ACSM2B: variants seen among roughly 807,000 people sequenced by gnomAD.
The protein encoded by ACSM2B is acyl-CoA synthetase medium chain family member 2B.
In ACSM2B, 58 loss-of-function variants were observed where a neutral mutation model predicts 78.6. The observed-to-expected ratio is 0.74, with a 90% CI of 0.60 to 0.92. The LOEUF is 0.92. Among genes scored for constraint, ACSM2B ranks in the 40% least tolerant of loss-of-function variants. The pLI, the probability that ACSM2B is intolerant of heterozygous loss-of-function variation, is 0.00. For synonymous variants in ACSM2B, 257 were observed against 256.8 expected, an observed-to-expected ratio of 1.00 and a Z score of -0.01; for missense variants, 688 against 711.2, an observed-to-expected ratio of 0.97 and a Z score of 0.37.
At chr16:20,545,331 G>T in intron 9 of ACSM2B, 73 bp from the exon 10 acceptor site, 1 of 1,535,172 alleles carries the variant, frequency 6.5e-7, no homozygotes, top group Non-Finnish European at 8.9e-7. Context: ...GGAGATTGCT[G>T]AGTTGGTCAA....
chr16:20,572,929 T>G (rs1256709463), intron 1 of ACSM2B, among the ~76,000 whole-genome samples: 1 of 151,822 alleles, frequency 6.6e-6, no homozygotes, highest in Non-Finnish European at 1.5e-5. Context: ...ATTGTTTTTA[T>G]GTATGCTATC....
intron 10 of ACSM2B, 26 bp from the exon 11 acceptor site, chr16:20,543,288 A>G (rs1332982277): frequency 2.5e-6 from 4 of 1,612,864 alleles, no homozygotes; most frequent in East Asian, 2.2e-5. Context: ...AGACAGAGTC[A>G]TTGTGCCTGC....
intron 1 of ACSM2B, among the ~76,000 whole-genome samples, chr16:20,567,569 A>G (rs1341810275): frequency 7.5e-6 from 1 of 133,186 alleles, no homozygotes; most frequent in Non-Finnish European, 1.6e-5. Flanking sequence ...TATAAATTAT[A>G]TATAAAAATA....
rs1274329386 is a variant in ACSM2B, at chr16:20,553,920, A to C, written c.597T>G (p.Asn199Lys). The change falls in exon 5 of 14, where the codon AAT becomes AAG. Residue 199 changes from asparagine to lysine, a missense_variant and splice_region_variant. Asn to Lys is a moderately conservative substitution (Grantham distance 94, BLOSUM62 0). Transcript: ENST00000329697. ...CACAGTGATGAGTGGTGGATGCCTC[A>C]CTGACAAAGACACAGATTGTCATTT... ...DGWLNFKKLL[N>K]EASTTHHCVE... 14 of 1,613,494 alleles carry C rather than the reference A, an allele frequency of 8.7e-6. No homozygotes were observed. The highest frequency in any genetic ancestry group is 1.7e-4 in the Middle Eastern group (1 of 5,996).
chr16:20,554,428 A>G (rs1334184332), intron 4 of ACSM2B, among the ~76,000 whole-genome samples: 1 of 152,094 alleles, frequency 6.6e-6, no homozygotes, highest in Non-Finnish European at 1.5e-5. Flanking sequence ...TTGATTTTGA[A>G]CCTTTAAAAG....
chr16:20,573,465 C>G (rs2016150385), intron 1 of ACSM2B, among the ~76,000 whole-genome samples: 1 of 147,198 alleles, frequency 6.8e-6, no homozygotes, highest in Non-Finnish European at 1.5e-5. Flanking sequence ...GCTGTCACTA[C>G]TGGGTGGGGA....
chr16:20,546,196 A>G (rs1164332362), intron 9 of ACSM2B, among the ~76,000 whole-genome samples, 198 bp downstream of exon 9: 3 of 152,120 alleles, frequency 2.0e-5, no homozygotes, highest in African/African-American at 7.2e-5. Flanking sequence ...GGATGGTAAG[A>G]ATATAAATCA....
At chr16:20,553,756 G>T (rs1455086950) in intron 5 of ACSM2B, 21 bp downstream of exon 5, 4 of 1,598,090 alleles carry the variant, frequency 2.5e-6, no homozygotes. Flanking sequence ...ATTCTCTGTA[G>T]AGAGAAAGAG....
chr16:20,557,874 G>C (rs2015524313), intron 3 of ACSM2B, among the ~76,000 whole-genome samples: 3 of 152,138 alleles, frequency 2.0e-5, no homozygotes, highest in Admixed American at 2.0e-4. Context: ...ACTTCATCTT[G>C]TTTCCAACCT....
intron 1 of ACSM2B, among the ~76,000 whole-genome samples, chr16:20,567,805 G>T (rs1414570264): frequency 1.4e-5 from 2 of 138,312 alleles, no homozygotes; most frequent in Non-Finnish European, 3.1e-5. Flanking sequence ...ATATATAATA[G>T]TATGGTATGT....
At chr16:20,538,602 T>C (rs763744682) in intron 13 of ACSM2B, among the ~76,000 whole-genome samples, 20 of 152,156 alleles carry the variant, frequency 1.3e-4, no homozygotes, top group African/African-American at 2.7e-4. Flanking sequence ...GCAAATAATC[T>C]GCTGCCTTGA....
chr16:20,540,097 T>A (rs568789958), intron 13 of ACSM2B, among the ~76,000 whole-genome samples: 3 of 152,302 alleles, frequency 2.0e-5, no homozygotes, highest in South Asian at 4.1e-4. Context: ...TAGAACTTAT[T>A]CCCTTGACAG....
intron 1 of ACSM2B, among the ~76,000 whole-genome samples, chr16:20,565,988 G>A (rs1166080542): frequency 6.6e-6 from 1 of 151,050 alleles, no homozygotes; most frequent in African/African-American, 2.4e-5. Flanking sequence ...TGCTGCGAAT[G>A]CCATTAAGTC....
At position 20,540,921 on chromosome 16, in the gene ACSM2B, T is replaced by A. The variant is rs140100654; in HGVS notation, c.1510-148A>T. On this transcript the variant is annotated intron_variant, in intron 12 of 13. Transcript: ENST00000329697. ...TCCAGGTCAAGGGAAAGGGAGAAAC[T>A]GGGGACAAGAATGAGGTTCCAGCTC... 5 of 1,262,114 alleles carry A rather than the reference T, an allele frequency of 4.0e-6. No homozygotes were observed. The East Asian group carries it at 1.0e-4, about 25-fold the overall frequency. The allele number at this position is 1,262,114 out of a possible 1,614,324, so 78.2% of individuals were successfully genotyped here.
intron 1 of ACSM2B, among the ~76,000 whole-genome samples, chr16:20,569,237 T>A (rs759704559): frequency 6.6e-6 from 1 of 152,024 alleles, no homozygotes; most frequent in Non-Finnish European, 1.5e-5. Flanking sequence ...AGGTGGTTTT[T>A]GTATAAGGTG....
chr16:20,553,730 C>T, intron 5 of ACSM2B, 47 bp downstream of exon 5: 1 of 1,594,144 alleles, frequency 6.3e-7, no homozygotes, highest in Non-Finnish European at 8.6e-7. Flanking sequence ...GAAACGTCTT[C>T]ATGCCTGGTC....
At chr16:20,547,309 A>T in intron 8 of ACSM2B, 2 of 985,316 alleles carry the variant, frequency 2.0e-6, no homozygotes, top group Non-Finnish European at 2.4e-6. Flanking sequence ...CATTGTCCTT[A>T]TTCATATTTG....
intron 3 of ACSM2B, among the ~76,000 whole-genome samples, chr16:20,556,359 T>A (rs575383194): frequency 1.3e-5 from 2 of 152,204 alleles, no homozygotes; most frequent in Non-Finnish European, 2.9e-5. Flanking sequence ...CCTGGCACTT[T>A]TGGAGGCCAA....
Position 20,537,311 on chromosome 16 carries a change from T to C in ACSM2B, c.1681A>G (p.Thr561Ala), listed in dbSNP as rs775014510. 21 of 1,613,974 alleles carry C rather than the reference T, an allele frequency of 1.3e-5. No homozygotes were observed. Among genetic ancestry groups the C allele is most frequent in the South Asian group, 4.4e-5 (4 of 91,068 alleles). The change falls in exon 14 of 14, where the codon ACC (threonine) becomes GCC (alanine). Residue 561 changes from threonine (T) to alanine (A), a missense_variant. Coordinates refer to ENST00000329697, the MANE Select transcript of ACSM2B (RefSeq NM_001105069.2). ...PKTVTGKIQR[T>A]KLRDKEWKMS... ...TTCCACTCCTTGTCTCGAAGTTTGG[T>C]TCGTTGAATTTTCCCTGTGACAGTC...
Sources: allele counts gnomAD v4.1 joint callset (sites outside exome capture counted in the v4.1 genomes callset), GRCh38; gene constraint gnomAD v4.1.1; transcripts MANE v1.5; gene names NCBI Gene and HGNC (gene_info 2026-07-23, HGNC 2026-07-21).